Variants in DNAH14 observed in about 807,000 individuals in gnomAD.
The protein encoded by DNAH14 is axonemal beta dynein heavy chain 14.
DNAH14 carries 478 observed loss-of-function variants against 520.9 expected under a neutral mutation model. That is an observed-to-expected ratio of 0.92 (90% CI 0.85 to 0.99). The LOEUF is 0.99. Among genes scored for constraint, DNAH14 ranks in the 50% least tolerant of loss-of-function variants. The pLI is 0.00. For synonymous variants in DNAH14, 1,581 were observed against 1,757.2 expected, an observed-to-expected ratio of 0.90 and a Z score of 2.51; for missense variants, 4,831 against 5,234.5, an observed-to-expected ratio of 0.92 and a Z score of 2.38.
At chr1:225,338,741 A>G (rs996703337) in intron 68 of DNAH14, among the ~76,000 whole-genome samples, 2 of 152,208 alleles carry the variant, frequency 1.3e-5, no homozygotes, top group Non-Finnish European at 2.9e-5. Context: ...AGATGTTTGA[A>G]TTGTTAATGT....
intron 36 of DNAH14, among the ~76,000 whole-genome samples, chr1:225,174,012 C>CA (rs1165515683): frequency 6.6e-6 from 1 of 151,740 alleles, no homozygotes; most frequent in Non-Finnish European, 1.5e-5. Context: ...ATCGCAAGGA[C>CA]AAAAAACCAA....
At chr1:225,307,824 G>A (rs1199103329) in intron 59 of DNAH14, among the ~76,000 whole-genome samples, 3 of 152,172 alleles carry the variant, frequency 2.0e-5, no homozygotes, top group Non-Finnish European at 4.4e-5. Context: ...TAGGTATATA[G>A]CTAACTGTAG....
In DNAH14 at chr1:225,360,341, C is replaced by T. The variant is rs139113238; in HGVS notation, c.11777-340C>T. ...TTTGCTGCCAAAATCTATCACAAAACCTAGATGCCCACAGAAGTTAAAAAT... is the reference window on the plus strand; with the variant it reads ...TTTGCTGCCAAAATCTATCACAAAATCTAGATGCCCACAGAAGTTAAAAAT... On this transcript the variant is annotated intron_variant, in intron 74 of 85. Coordinates refer to ENST00000682510, the MANE Select transcript of DNAH14 (RefSeq NM_001367479.1). Among the ~76,000 whole-genome samples, 10 of 152,286 alleles carry T rather than the reference C, an allele frequency of 6.6e-5. No individual in the cohort carries two copies. The East Asian group carries it at 1.5e-3, about 23-fold the overall frequency.
chr1:224,950,651 TG>T (rs944899331), intron 1 of DNAH14, among the ~76,000 whole-genome samples: 21 of 152,340 alleles, frequency 1.4e-4, no homozygotes, highest in Admixed American at 2.0e-4. Context: ...ATGCTGAGGT[TG>T]GGGTTAGCAT....
chr1:225,136,689 G>T (rs1414604873), intron 27 of DNAH14, among the ~76,000 whole-genome samples: 1 of 152,134 alleles, frequency 6.6e-6, no homozygotes, highest in East Asian at 1.9e-4. Context: ...GAATTTGAAT[G>T]TTGGCCTGTC....
chr1:225,259,070 A>G, intron 45 of DNAH14, 51 bp from the exon 46 acceptor site: 2 of 1,472,374 alleles, frequency 1.4e-6, no homozygotes, highest in Non-Finnish European at 1.8e-6. Context: ...ATGTGTTAAC[A>G]TGTATCATTT....
rs145100008 is a variant in DNAH14, at chr1:225,324,792, C to A, written c.9683C>A (p.Ala3228Glu). The change falls in exon 64 of 86, where the codon GCG (alanine) becomes GAG (glutamate). Residue 3228 changes from alanine to glutamate, a missense_variant. Coordinates refer to ENST00000682510, the MANE Select transcript of DNAH14 (RefSeq NM_001367479.1). ...VAEAQNVLKI[A>E]RQRLAEKQRG... ...GAAGCTCAAAACGTCCTTAAAATTG[C>A]GCGACAAAGACTTGCTGAGAAACAA... is the stretch of plus-strand genomic sequence containing the variant. The A allele has an allele frequency of 6.4e-7, 1 of 1,551,276 alleles. No individual in the cohort carries two copies.
intron 49 of DNAH14, among the ~76,000 whole-genome samples, chr1:225,269,919 C>T (rs1266857720): frequency 1.3e-5 from 2 of 152,174 alleles, no homozygotes; most frequent in African/African-American, 4.8e-5. Flanking sequence ...TGTGGTGATT[C>T]CTCAAGGATC....
chr1:225,283,300 C>T lies in DNAH14; in HGVS notation c.8271+5798C>T, dbSNP rs559923001. On this transcript the variant is annotated intron_variant, in intron 54 of 85. Transcript: ENST00000682510. ...ATCAACAAAAGCCACACGTTAGATT[C>T]AAAGATCCAAAATGGCTGAAAATGA... Among the ~76,000 whole-genome samples the T allele has an allele frequency of 8.6e-5, 13 of 151,796 alleles. No homozygotes were observed. The South Asian group carries it at 2.7e-3, about 32-fold the overall frequency.
At chr1:225,284,483 T>C (rs1322824538) in intron 54 of DNAH14, among the ~76,000 whole-genome samples, 1 of 152,022 alleles carries the variant, frequency 6.6e-6, no homozygotes, top group Non-Finnish European at 1.5e-5. Flanking sequence ...AATAAGGAGA[T>C]TTAATTAGGA....
intron 11 of DNAH14, 156 bp downstream of exon 11, chr1:225,024,021 A>G: frequency 7.3e-7 from 1 of 1,365,608 alleles, no homozygotes; most frequent in Non-Finnish European, 9.4e-7. Context: ...AGAACTTATT[A>G]TTTGGTAATA....
At chr1:224,966,007 A>T (rs1366378764) in intron 5 of DNAH14, among the ~76,000 whole-genome samples, 1 of 152,154 alleles carries the variant, frequency 6.6e-6, no homozygotes, top group Non-Finnish European at 1.5e-5. Flanking sequence ...ATTTTTAATT[A>T]TATATATGAT....
intron 27 of DNAH14, among the ~76,000 whole-genome samples, chr1:225,136,593 C>T (rs2078971988): frequency 6.6e-6 from 1 of 151,972 alleles, no homozygotes; most frequent in Non-Finnish European, 1.5e-5. Flanking sequence ...TTTTTTCTTT[C>T]ATTTTGACCA....
intron 8 of DNAH14, among the ~76,000 whole-genome samples, chr1:224,999,709 G>A (rs1335171815): frequency 6.6e-6 from 1 of 151,742 alleles, no homozygotes; most frequent in Non-Finnish European, 1.5e-5. Context: ...TTTATCTATA[G>A]TATTTTTCAA....
At chr1:225,009,860 T>C (rs1417484907) in intron 10 of DNAH14, among the ~76,000 whole-genome samples, 1 of 152,114 alleles carries the variant, frequency 6.6e-6, no homozygotes, top group African/African-American at 2.4e-5. Flanking sequence ...TGTAGCAATT[T>C]TGAATGGGAG....
At chr1:224,947,074 C>T (rs1207016175) in intron 1 of DNAH14, among the ~76,000 whole-genome samples, 6 of 151,802 alleles carry the variant, frequency 4.0e-5, no homozygotes, top group Admixed American at 3.3e-4. Flanking sequence ...TGCACCACCA[C>T]GCTCGGCTAA....
At chr1:225,323,971 A>T (rs1282656173) in intron 62 of DNAH14, among the ~76,000 whole-genome samples, 1 of 151,828 alleles carries the variant, frequency 6.6e-6, no homozygotes, top group African/African-American at 2.4e-5. Flanking sequence ...GTGTGCCACC[A>T]TGCACAGCTA....
At chr1:225,331,218 A>G (rs1429217695) in intron 64 of DNAH14, among the ~76,000 whole-genome samples, 1 of 152,218 alleles carries the variant, frequency 6.6e-6, no homozygotes, top group Non-Finnish European at 1.5e-5. Context: ...AAGCCTATTA[A>G]AGAAGCAAGA....
At chr1:224,954,437 CA>C (rs2060375999) in intron 2 of DNAH14, 2 of 152,224 alleles carry the variant, frequency 1.3e-5, no homozygotes, top group African/African-American at 4.8e-5. Context: ...CTATTGTAGG[CA>C]GTAATTTTGG....
Sources: gnomAD v4.1 joint callset for allele counts (sites outside exome capture counted in the v4.1 genomes callset) on GRCh38, gnomAD v4.1.1 for gene constraint, MANE v1.5 for transcripts, NCBI Gene and HGNC (gene_info 2026-07-23, HGNC 2026-07-21) for gene names.